The following VAT1 variants were observed in gnomAD, a reference collection of about 807,000 sequenced individuals.
VAT1 encodes the protein NADPH-dependent quinone oxidoreductase VAT1.
A neutral mutation model predicts 33.3 loss-of-function variants in VAT1; 24 were observed. The ratio of observed to expected loss-of-function variants is 0.72; its 90% CI spans 0.52 to 1.01. The LOEUF is 1.01. Among genes scored for constraint, VAT1 ranks in the 50% least tolerant of loss-of-function variants. VAT1 has a pLI of 0.00. For synonymous variants in VAT1, 212 were observed against 225.0 expected (o/e 0.94, Z 0.52); for missense variants, 436 against 533.7 (o/e 0.82, Z 1.80).
chr17:43,016,231 C>A, intron 5 of VAT1, 76 bp downstream of exon 5: 1 of 1,609,384 alleles, frequency 6.2e-7, no homozygotes, highest in Admixed American at 1.7e-5. Context: ...CCTCCTCTTC[C>A]CCAGGAATCT....
intron 4 of VAT1, among the ~76,000 whole-genome samples, chr17:43,017,582 C>CAAAAAAAA (rs55979457): frequency 6.0e-5 from 4 of 66,478 alleles, no homozygotes; most frequent in Non-Finnish European, 8.7e-5. Context: ...AACTCCATCT[C>CAAAAAAAA]AAAAAAAAAA....
At position 43,022,004 on chromosome 17, in the gene VAT1, G is replaced by A. The variant is rs772047379; in HGVS notation, c.319C>T (p.Pro107Ser). The change falls in exon 1 of 6, where the codon CCT (proline) becomes TCT (serine). Residue 107 changes from proline to serine, a missense_variant. Physicochemically the swap from Pro to Ser is moderately conservative, Grantham distance 74 (BLOSUM62 -1). Coordinates refer to ENST00000355653, the MANE Select transcript of VAT1 (RefSeq NM_006373.4). ...QGLYDRLPPL[P>S]VTPGMEGAGV... ...GCGCCCTCCATGCCCGGAGTGACAG[G>A]CAGAGGCGGGAGACGGTCGTACAGC... 8.7e-6 allele frequency: 14 copies of A among 1,609,210 alleles called. No individual in the cohort carries two copies. Among genetic ancestry groups the A allele is most frequent in the East Asian group, 2.2e-5 (1 of 44,752 alleles).
rs978722587 is a variant in VAT1, at chr17:43,020,010, C to T, written c.388-1211G>A. On this transcript the variant is annotated intron_variant, in intron 1 of 5. Coordinates refer to ENST00000355653, the MANE Select transcript of VAT1 (RefSeq NM_006373.4). ...CTGGCCTGAGATGAGGTCTGGAGAA[C>T]AAGAACGGAAGCCCTCCACCCAGGG... 5 of 784,740 alleles carry T rather than the reference C, an allele frequency of 6.4e-6. No individual in the cohort carries two copies. In the African/African-American group the frequency reaches 7.5e-5, roughly 12 times the overall value. 48.6% of individuals were successfully genotyped at this position (784,740 alleles called of 1,614,324 possible).
At chr17:43,016,616 C>A in intron 4 of VAT1, 68 bp from the exon 5 acceptor site, 1 of 1,576,500 alleles carries the variant, frequency 6.3e-7, no homozygotes, top group South Asian at 1.2e-5. Context: ...CATCTGTGCT[C>A]TCTGTTCCCT....
At position 43,021,978 on chromosome 17, in the gene VAT1, C is replaced by T; in HGVS notation, c.345G>A (p.Ala115=). The change falls in exon 1 of 6, where the codon GCG becomes GCA. Residue 115 remains alanine, a synonymous_variant. Transcript: ENST00000355653. Reference sequence around the variant, plus strand: ...CCTCGCCCACTGCGATCACAACACCCGCGCCCTCCATGCCCGGAGTGACAG... The same window carrying T: ...CCTCGCCCACTGCGATCACAACACCTGCGCCCTCCATGCCCGGAGTGACAG... ...PLPVTPGMEG[A]GVVIAVGEGV... 1 of 1,611,102 alleles carries T rather than the reference C, an allele frequency of 6.2e-7. No homozygotes were observed. The highest frequency in any genetic ancestry group is 8.5e-7 in the Non-Finnish European group (1 of 1,179,730).
chr17:43,018,495 G>T, intron 2 of VAT1, 97 bp downstream of exon 2: 1 of 1,385,358 alleles, frequency 7.2e-7, no homozygotes, highest in Non-Finnish European at 1.0e-6. Context: ...AAGGCAGCCT[G>T]GTGTTGCCAT....
Position 43,022,339 on chromosome 17 carries a change from G to A in VAT1, c.-17C>T, listed in dbSNP as rs763113665. The A allele has an allele frequency of 2.6e-6, 4 of 1,543,018 alleles. 1 individual carries two copies. Among genetic ancestry groups the A allele is most frequent in the South Asian group, 1.2e-5 (1 of 85,232 alleles). ...GTCGGACATGGCTGGGACTCCCGAC[G>A]AGAGCGCACAGCTGGATGGAGAGTG... is the stretch of plus-strand genomic sequence containing the variant. On this transcript the variant is annotated 5_prime_UTR_variant, in exon 1 of 6. Transcript: ENST00000355653.
chr17:43,018,779 C>T lies in VAT1; in HGVS notation c.408G>A (p.Val136=). ...CCTGCCACATCCCTGACCGGTTCAA[C>T]ACCATCACCCGGTCTCCTGCCTTGA... ...SDRKAGDRVM[V]LNRSGMWQEE... The change falls in exon 2 of 6, where the codon GTG becomes GTA. Residue 136 remains valine (V), a synonymous_variant. Transcript: ENST00000355653. 3.1e-6 allele frequency: 5 copies of T among 1,614,194 alleles called. No individual in the cohort carries two copies. Among genetic ancestry groups the T allele is most frequent in the Non-Finnish European group, 4.2e-6 (5 of 1,180,034 alleles).
At chr17:43,016,254 C>A (rs910541242) in intron 5 of VAT1, 53 bp downstream of exon 5, 1 of 1,607,054 alleles carries the variant, frequency 6.2e-7, no homozygotes, top group Non-Finnish European at 8.5e-7. Flanking sequence ...CCCTTGGGAC[C>A]CCAGCCTTCA....
intron 2 of VAT1, 47 bp downstream of exon 2, chr17:43,018,545 G>A: frequency 6.2e-7 from 1 of 1,601,816 alleles, no homozygotes; most frequent in Non-Finnish European, 8.5e-7. Context: ...GGGCCTGGAA[G>A]GAAATCTGGG....
At position 43,022,378 on chromosome 17, in the gene VAT1, G is replaced by C; in HGVS notation, c.-56C>G. ...GGATGGAGAGTGCACAGCTGGGGAA[G>C]GCGGAACGCGTCGGGAAGAGCCGCG... is the stretch of plus-strand genomic sequence containing the variant. On this transcript the variant is annotated 5_prime_UTR_variant, in exon 1 of 6. Transcript: ENST00000355653. The C allele has an allele frequency of 6.9e-7, 1 of 1,458,508 alleles. No homozygotes were observed. Among genetic ancestry groups the C allele is most frequent in the Non-Finnish European group, 9.0e-7 (1 of 1,108,818 alleles). 90.3% of individuals were successfully genotyped at this position (1,458,508 alleles called of 1,614,324 possible).
intron 4 of VAT1, 151 bp downstream of exon 4, chr17:43,017,690 A>G: frequency 1.7e-6 from 1 of 594,876 alleles, no homozygotes; most frequent in South Asian, 2.4e-5. Flanking sequence ...ATCTGAATGC[A>G]GCATACAGGA....
rs764457275 is a variant in VAT1, at chr17:43,018,787, C to T, written c.400G>A (p.Val134Met). 8 of 1,614,180 alleles carry T rather than the reference C, an allele frequency of 5.0e-6. No homozygotes were observed. The highest frequency in any genetic ancestry group is 6.8e-6 in the Non-Finnish European group (8 of 1,180,044). The change falls in exon 2 of 6, where the codon GTG becomes ATG. Residue 134 changes from valine to methionine, a missense_variant. Val to Met is a conservative substitution (Grantham distance 21, BLOSUM62 1). Around this residue, in one of 2 missense-constraint regions of VAT1, gnomAD observed 282 missense variants for 405.4 expected, o/e 0.70. Transcript: ENST00000355653. ...GVSDRKAGDRVMVLNRSGMWQ... is the reference protein window; with the variant it reads ...GVSDRKAGDRMMVLNRSGMWQ... ...ATCCCTGACCGGTTCAACACCATCA[C>T]CCGGTCTCCTGCCTTGAAGAACAGA...
At chr17:43,018,265 A>G (rs902335099) in intron 2 of VAT1, 59 bp from the exon 3 acceptor site, 73 of 1,555,186 alleles carry the variant, frequency 4.7e-5, no homozygotes, top group Non-Finnish European at 3.8e-5. Flanking sequence ...CAACCACTCC[A>G]TTCTAGCCTC....
At chr17:43,020,793 T>G (rs2050559846) in intron 1 of VAT1, among the ~76,000 whole-genome samples, 1 of 149,052 alleles carries the variant, frequency 6.7e-6, no homozygotes, top group Non-Finnish European at 1.5e-5. Context: ...GAGAATCGCT[T>G]GAACCCGGGA....
Position 43,018,085 on chromosome 17 carries a change from G to A in VAT1, c.717C>T (p.Asp239=). 6.2e-7 allele frequency: 1 copy of A among 1,614,116 alleles called. No individual in the cohort carries two copies. The highest frequency in any genetic ancestry group is 8.5e-7 in the Non-Finnish European group (1 of 1,180,028). The part of the protein sequence containing the change: ...LKENGVTHPI[D]YHTTDYVDEI... ...CATCCACGTAGTCAGTCGTGTGATA[G>A]TCGATGGGATGTGTGACCCCATTCT... The change falls in exon 3 of 6, where the codon GAC becomes GAT. Residue 239 remains aspartate, a synonymous_variant. Transcript: ENST00000355653.
intron 2 of VAT1, among the ~76,000 whole-genome samples, 158 bp downstream of exon 2, chr17:43,018,434 T>G (rs1393727576): frequency 6.6e-6 from 1 of 152,170 alleles, no homozygotes; most frequent in African/African-American, 2.4e-5. Flanking sequence ...ACCTGGTGCC[T>G]GAATGTTACC....
intron 1 of VAT1, chr17:43,020,072 C>G: frequency 1.0e-6 from 1 of 983,100 alleles, no homozygotes; most frequent in Non-Finnish European, 1.2e-6. Flanking sequence ...CCCAGGAGAG[C>G]TGCGAGGAGT....
chr17:43,020,341 G>A (rs2050556103), intron 1 of VAT1: 1 of 977,762 alleles, frequency 1.0e-6, no homozygotes. Flanking sequence ...TGAGGTGGGT[G>A]GCCTTCAGCA....
Sources: allele counts gnomAD v4.1 joint callset (sites outside exome capture counted in the v4.1 genomes callset), GRCh38; gene constraint gnomAD v4.1.1; regional missense constraint gnomAD v4.1.1; transcripts MANE v1.5; gene names NCBI Gene and HGNC (gene_info 2026-07-23, HGNC 2026-07-21).